Variants in SAMSN1 observed in about 807,000 individuals in gnomAD.
The protein encoded by SAMSN1 is SAM domain-containing protein SAMSN-1.
A neutral mutation model predicts 42.0 loss-of-function variants in SAMSN1; 31 were observed. The ratio of observed to expected loss-of-function variants is 0.74; its 90% CI spans 0.55 to 1.00. The LOEUF is 1.00. SAMSN1 is among the 50% of genes least tolerant of loss of function. The pLI, the probability that SAMSN1 is intolerant of heterozygous loss-of-function variation, is 0.00. For missense variants in SAMSN1, 464 were observed against 439.4 expected (o/e 1.06, Z -0.50); for synonymous variants, 178 against 151.9 (o/e 1.17, Z -1.26).
chr21:14,591,060 C>A (rs913254472), intron 7 of SAMSN1, among the ~76,000 whole-genome samples: 2 of 151,992 alleles, frequency 1.3e-5, no homozygotes, highest in African/African-American at 4.8e-5. Flanking sequence ...ATAATTTATG[C>A]AAATGAAATA....
At chr21:14,633,524 C>T (rs376926642) in intron 2 of SAMSN1, among the ~76,000 whole-genome samples, 2 of 152,176 alleles carry the variant, frequency 1.3e-5, no homozygotes, top group East Asian at 1.9e-4. Flanking sequence ...AGAAGGAGAA[C>T]TCAGTTTTCC....
intron 6 of SAMSN1, among the ~76,000 whole-genome samples, chr21:14,594,290 GTA>G (rs1369082459): frequency 6.6e-6 from 1 of 152,090 alleles, no homozygotes; most frequent in African/African-American, 2.4e-5. Flanking sequence ...TGGAATATGT[GTA>G]TGTATACATA....
chr21:14,628,003 C>G (rs1202231988), intron 2 of SAMSN1, among the ~76,000 whole-genome samples: 3 of 152,100 alleles, frequency 2.0e-5, no homozygotes, highest in Non-Finnish European at 4.4e-5. Flanking sequence ...AAAGTTTGCT[C>G]TAGTCCAGCA....
chr21:14,515,742 A>G (rs750468146), intron 3 of SAMSN1, among the ~76,000 whole-genome samples: 14 of 152,198 alleles, frequency 9.2e-5, no homozygotes, highest in Non-Finnish European at 1.5e-4. Flanking sequence ...TGCATGTCAT[A>G]TATCTGATAA....
upstream of SAMSN1, among the ~76,000 whole-genome samples, chr21:14,587,166 T>C (rs1242718294): frequency 6.6e-6 from 1 of 152,242 alleles, no homozygotes; most frequent in African/African-American, 2.4e-5. Flanking sequence ...CTTCATGTTA[T>C]TCATCTTTAC....
At chr21:14,521,821 C>T (rs1417947704) in intron 1 of SAMSN1, among the ~76,000 whole-genome samples, 1 of 151,236 alleles carries the variant, frequency 6.6e-6, no homozygotes, top group Non-Finnish European at 1.5e-5. Flanking sequence ...CACATGTTTA[C>T]TTATGTAACA....
Position 14,551,522 on chromosome 21 carries a change from C to T in SAMSN1, c.262-30301G>A, listed in dbSNP as rs182566653. Among the ~76,000 whole-genome samples the T allele has an allele frequency of 5.9e-5, 9 of 152,128 alleles. No homozygotes were observed. The East Asian group carries it at 1.4e-3, about 23-fold the overall frequency. On this transcript the variant is annotated intron_variant, in intron 2 of 8. Transcript: ENST00000285670. ...AGATTCAAAATAAATGCAAATTACT[C>T]AGATTACTTCAATAAATTATAAGTA...
chr21:14,581,340 A>ATTTTTT (rs1404934178), intron 2 of SAMSN1, among the ~76,000 whole-genome samples: 37 of 22,516 alleles, frequency 1.6e-3, no homozygotes, highest in Non-Finnish European at 2.4e-3. Context: ...GGGAAATAAT[A>ATTTTTT]TTTCTTTTTT....
At chr21:14,622,950 A>C (rs957750403) in intron 2 of SAMSN1, among the ~76,000 whole-genome samples, 1 of 152,254 alleles carries the variant, frequency 6.6e-6, no homozygotes, top group African/African-American at 2.4e-5. Flanking sequence ...GCCAGAAGAG[A>C]GTGGGGGCCA....
At position 14,592,862 on chromosome 21, in the gene SAMSN1, C is replaced by T. The variant is rs1334799262; in HGVS notation, c.465+1151G>A. Among the ~76,000 whole-genome samples, 8 of 152,094 alleles carry T rather than the reference C, an allele frequency of 5.3e-5. No homozygotes were observed. The East Asian group carries it at 1.5e-3, about 29-fold the overall frequency. On this transcript the variant is annotated intron_variant, in intron 7 of 15. Coordinates refer to the SAMSN1 transcript ENST00000647101. ...CTAATTAAGGAATTTCATAATCCTC[C>T]CAAATGTATAGCTTTATTTTCATCT...
In SAMSN1 at chr21:14,542,186, T is replaced by C. The variant is rs552363253; in HGVS notation, c.57+4019A>G. ...ACAGACATGGTTTCCCTGATCTCCA[T>C]AAACTTTAGCTGGCAATTCAGGTGG... On this transcript the variant is annotated intron_variant, in intron 1 of 7. Transcript: ENST00000400566. 8.5e-5 allele frequency among the ~76,000 whole-genome samples: 13 copies of C among 152,330 alleles called. No individual in the cohort carries two copies. The South Asian group carries it at 2.1e-3, about 24-fold the overall frequency.
chr21:14,647,028 C>T (rs556132431), intron 1 of SAMSN1, among the ~76,000 whole-genome samples: 15 of 152,004 alleles, frequency 9.9e-5, no homozygotes, highest in Middle Eastern at 3.4e-3. Flanking sequence ...TAAAACAACC[C>T]GAAAACAAGT....
At chr21:14,630,702 T>C (rs1220634551) in intron 2 of SAMSN1, among the ~76,000 whole-genome samples, 1 of 152,140 alleles carries the variant, frequency 6.6e-6, no homozygotes, top group Admixed American at 6.5e-5. Context: ...TGGCTTGTTA[T>C]GAGTCATTAC....
At chr21:14,549,100 T>A (rs1160331582), upstream of SAMSN1, among the ~76,000 whole-genome samples, 2 of 152,182 alleles carry the variant, frequency 1.3e-5, no homozygotes, top group African/African-American at 2.4e-5. Flanking sequence ...TTGAGGTGTA[T>A]TTTTCGGGAA....
intron 2 of SAMSN1, among the ~76,000 whole-genome samples, chr21:14,626,254 G>A (rs534791259): frequency 6.6e-6 from 1 of 152,140 alleles, no homozygotes; most frequent in Non-Finnish European, 1.5e-5. Context: ...AAAAGCAATG[G>A]CAACAAAAGC....
chr21:14,517,464 T>C (rs949101571), intron 2 of SAMSN1, among the ~76,000 whole-genome samples: 3 of 152,226 alleles, frequency 2.0e-5, no homozygotes, highest in Non-Finnish European at 2.9e-5. Flanking sequence ...CTGTGTTGAA[T>C]AGGCCTTAAA....
intron 2 of SAMSN1, among the ~76,000 whole-genome samples, chr21:14,557,793 ATC>A (rs1980812090): frequency 6.6e-6 from 1 of 152,122 alleles, no homozygotes; most frequent in African/African-American, 2.4e-5. Flanking sequence ...GGTCACGCTG[ATC>A]TCTCTGCACT....
chr21:14,657,763 A>G (rs1055176101), intron 1 of SAMSN1, among the ~76,000 whole-genome samples: 1 of 151,852 alleles, frequency 6.6e-6, no homozygotes, highest in East Asian at 1.9e-4. Context: ...AAATTGGACT[A>G]TATGGGCAAC....
At chr21:14,652,523 A>G (rs1233043353) in intron 1 of SAMSN1, among the ~76,000 whole-genome samples, 10 of 152,056 alleles carry the variant, frequency 6.6e-5, no homozygotes, top group Non-Finnish European at 2.9e-5. Flanking sequence ...ATCTATCACC[A>G]TATATGTAAA....
Sources: allele counts gnomAD v4.1 joint callset (sites outside exome capture counted in the v4.1 genomes callset), GRCh38; gene constraint gnomAD v4.1.1; transcripts MANE v1.5; gene names NCBI Gene and HGNC (gene_info 2026-07-23, HGNC 2026-07-21).